The following PDZRN4 variants were observed in gnomAD, a reference collection of about 807,000 sequenced individuals.
PDZRN4 encodes the protein PDZ domain-containing RING finger protein 4.
In PDZRN4, 70 loss-of-function variants were observed where a neutral mutation model predicts 99.0. That is an observed-to-expected ratio of 0.71 (90% CI 0.58 to 0.86). The LOEUF is 0.86. Among genes scored for constraint, PDZRN4 ranks in the 40% least tolerant of loss-of-function variants. The pLI is 0.00. For synonymous variants in PDZRN4, 551 were observed against 501.6 expected, an observed-to-expected ratio of 1.10 and a Z score of -1.32; for missense variants, 1,474 against 1,331.2, an observed-to-expected ratio of 1.11 and a Z score of -1.67.
chr12:41,554,999 G>A (rs1459890259), intron 6 of PDZRN4, among the ~76,000 whole-genome samples: 5 of 146,530 alleles, frequency 3.4e-5, no homozygotes, highest in Non-Finnish European at 5.9e-5. Context: ...ACAAGGTCAG[G>A]AGATCAAGAC....
intron 3 of PDZRN4, among the ~76,000 whole-genome samples, chr12:41,337,106 G>A (rs1171498715): frequency 3.3e-5 from 5 of 152,054 alleles, no homozygotes. Context: ...TTTTGTTTCA[G>A]AGTCACACTA....
chr12:41,398,827 A>G (rs1197542510), intron 3 of PDZRN4, among the ~76,000 whole-genome samples: 1 of 152,160 alleles, frequency 6.6e-6, no homozygotes, highest in Non-Finnish European at 1.5e-5. Flanking sequence ...TCTAATGCAT[A>G]CTAGGTGCTC....
intron 3 of PDZRN4, among the ~76,000 whole-genome samples, chr12:41,327,770 T>A (rs115215863): frequency 6.6e-6 from 1 of 152,054 alleles, no homozygotes; most frequent in African/African-American, 2.4e-5. Flanking sequence ...TATAAAATAA[T>A]GTTAAACTGC....
At chr12:41,254,291 G>A (rs1182292611) in intron 3 of PDZRN4, among the ~76,000 whole-genome samples, 1 of 152,060 alleles carries the variant, frequency 6.6e-6, no homozygotes, top group East Asian at 1.9e-4. Context: ...TTATATGCAT[G>A]ATATTATTTA....
rs574382719 is a variant in PDZRN4 at position 41,500,145 on chromosome 12, A to G, written c.844-6311A>G. 4.6e-5 allele frequency among the ~76,000 whole-genome samples: 7 copies of G among 152,066 alleles called. No homozygotes were observed. The South Asian group carries it at 1.2e-3, about 27-fold the overall frequency. ...TATTTCAACAGAGGGATCCCACCCT[A>G]TTGTTGCTCTCTCTTATAGGGAACA... On this transcript the variant is annotated intron_variant, in intron 3 of 9. Transcript: ENST00000402685.
chr12:41,414,578 A>C (rs1952428032), intron 3 of PDZRN4, among the ~76,000 whole-genome samples: 1 of 152,118 alleles, frequency 6.6e-6, no homozygotes, highest in Non-Finnish European at 1.5e-5. Context: ...AAGGAAAAGA[A>C]AGAAGGAAAA....
intron 3 of PDZRN4, among the ~76,000 whole-genome samples, chr12:41,441,237 C>T (rs1050555883): frequency 6.6e-6 from 1 of 152,060 alleles, no homozygotes; most frequent in African/African-American, 2.4e-5. Flanking sequence ...TATTCACTTC[C>T]CACATCAGGG....
chr12:41,324,391 C>T (rs553285129), intron 3 of PDZRN4, among the ~76,000 whole-genome samples: 42 of 152,188 alleles, frequency 2.8e-4, no homozygotes, highest in African/African-American at 6.3e-4. Flanking sequence ...ATTGAAACAA[C>T]TGTATATTCT....
At chr12:41,375,256 T>C (rs1952070689) in intron 3 of PDZRN4, among the ~76,000 whole-genome samples, 1 of 152,194 alleles carries the variant, frequency 6.6e-6, no homozygotes. Flanking sequence ...ATAGTGTGAA[T>C]TGTTTTAACC....
intron 3 of PDZRN4, among the ~76,000 whole-genome samples, chr12:41,232,605 T>C (rs1951035853): frequency 6.6e-6 from 1 of 150,586 alleles, no homozygotes; most frequent in Admixed American, 6.7e-5. Flanking sequence ...GCAAAAATTT[T>C]CTCCCATTCT....
At chr12:41,471,618 T>C (rs913635598) in intron 3 of PDZRN4, among the ~76,000 whole-genome samples, 2 of 150,710 alleles carry the variant, frequency 1.3e-5, no homozygotes, top group East Asian at 1.9e-4. Context: ...ATGATGATGA[T>C]TGTGATGATT....
At chr12:41,413,655 A>G (rs1457230670) in intron 3 of PDZRN4, among the ~76,000 whole-genome samples, 1 of 152,096 alleles carries the variant, frequency 6.6e-6, no homozygotes, top group East Asian at 1.9e-4. Context: ...AATATGTACA[A>G]TTATTATTGT....
rs550455918 is a variant in PDZRN4 at position 41,315,508 on chromosome 12, A to T, written c.843+121320A>T. On this transcript the variant is annotated intron_variant, in intron 3 of 9. Transcript: ENST00000402685. ...ATAAAAAATTAATATGAGCATAAAG[A>T]TTCCAATATTATTTGTTACCATTAT... is the stretch of plus-strand genomic sequence containing the variant. Among the ~76,000 whole-genome samples the T allele has an allele frequency of 1.1e-3, 166 of 152,290 alleles. 1 individual carries two copies. The highest frequency in any genetic ancestry group is 3.8e-3 in the African/African-American group (158 of 41,574).
intron 3 of PDZRN4, among the ~76,000 whole-genome samples, chr12:41,204,100 T>C (rs1326195339): frequency 6.6e-6 from 1 of 152,034 alleles, no homozygotes; most frequent in African/African-American, 2.4e-5. Flanking sequence ...TTTTCCCTTG[T>C]CTTCACTTTC....
rs949618906 is a variant in PDZRN4 at position 41,199,380 on chromosome 12, G to A, written c.843+5192G>A. On this transcript the variant is annotated intron_variant, in intron 3 of 9. Transcript: ENST00000402685. The stretch of plus-strand genomic sequence containing the variant: ...CAATAGATGTTGGTGAAAATGTAGA[G>A]AAAAGAGAACACTTACACACTATTG... 1.5e-4 allele frequency among the ~76,000 whole-genome samples: 23 copies of A among 152,166 alleles called. 1 individual carries two copies. Among genetic ancestry groups the A allele is most frequent in the African/African-American group, 5.5e-4 (23 of 41,444 alleles).
At chr12:41,430,182 C>T (rs1346155029) in intron 3 of PDZRN4, among the ~76,000 whole-genome samples, 1 of 152,070 alleles carries the variant, frequency 6.6e-6, no homozygotes, top group Non-Finnish European at 1.5e-5. Flanking sequence ...TTAAAAGAAA[C>T]AAATAGGCCA....
At chr12:41,260,287 G>A (rs138357037) in intron 3 of PDZRN4, among the ~76,000 whole-genome samples, 3 of 152,152 alleles carry the variant, frequency 2.0e-5, no homozygotes, top group East Asian at 3.9e-4. Context: ...CAGCATTTTT[G>A]TATAGTTTCC....
chr12:41,317,561 C>T (rs776156439), intron 3 of PDZRN4, among the ~76,000 whole-genome samples: 24 of 152,104 alleles, frequency 1.6e-4, no homozygotes, highest in Admixed American at 3.3e-4. Flanking sequence ...AATTAACCAT[C>T]GTGAGATTGT....
rs147184599 is a variant in PDZRN4, at chr12:41,528,192, GTTTGTTTTTGTT to G, written c.1203+18301_1203+18312del. ...GCCGTTTTTGGGGGGTTTTTTGTTT[GTTTGTTTTTGTT>G]TTTGTTTTTGTTTTTGTTTTTAGGA... On this transcript the variant is annotated intron_variant, in intron 5 of 9. Transcript: ENST00000402685. 4.1e-3 allele frequency among the ~76,000 whole-genome samples: 616 copies of G among 151,206 alleles called. 6 individuals are homozygous for G. Among genetic ancestry groups the G allele is most frequent in the Non-Finnish European group, 7.4e-3 (500 of 67,904 alleles).
Sources: gnomAD v4.1 joint callset for allele counts (sites outside exome capture counted in the v4.1 genomes callset) on GRCh38, gnomAD v4.1.1 for gene constraint, MANE v1.5 for transcripts, NCBI Gene and HGNC (gene_info 2026-07-23, HGNC 2026-07-21) for gene names.